Variants in TSPAN9 observed in about 807,000 individuals in gnomAD.
The protein encoded by TSPAN9 is tetraspanin-9.
Under a neutral mutation model 31.0 loss-of-function variants are expected in TSPAN9, and 16 were observed. The ratio of observed to expected loss-of-function variants is 0.52; its 90% confidence interval spans 0.35 to 0.78. TSPAN9 has a LOEUF of 0.78. Among genes scored for constraint, TSPAN9 ranks in the 30% least tolerant of loss-of-function variants. TSPAN9 has a pLI of 0.01. For missense variants in TSPAN9, 272 were observed against 312.5 expected (o/e 0.87, Z 0.98); for synonymous variants, 145 against 121.6 (o/e 1.19, Z -1.27).
At chr12:3,126,223 C>T (rs1469118263) in intron 2 of TSPAN9, among the ~76,000 whole-genome samples, 4 of 152,228 alleles carry the variant, frequency 2.6e-5, no homozygotes. Context: ...GGATCGATAA[C>T]TATACAGTCA....
In TSPAN9 at chr12:3,192,296, T is replaced by C. The variant is rs1440151287; in HGVS notation, c.-17-8881T>C. On this transcript the variant is annotated intron_variant, in intron 2 of 8. Transcript: ENST00000011898. This position sits in a 1 kb window ranked among gnomAD's most constrained non-coding sequence, Gnocchi z 4.6. ...TGGAGAGGCACATGAGTGGGAAGAT[T>C]GCATTGGCTGCTCTTGGTGAATGGG... Among the ~76,000 whole-genome samples, 1 of 151,992 alleles carries C rather than the reference T, an allele frequency of 6.6e-6. No homozygotes were observed. The highest frequency in any genetic ancestry group is 2.4e-5 in the African/African-American group (1 of 41,366).
At chr12:3,208,802 T>G (rs1224674616) in intron 3 of TSPAN9, among the ~76,000 whole-genome samples, 2 of 152,264 alleles carry the variant, frequency 1.3e-5, no homozygotes, top group African/African-American at 4.8e-5. Flanking sequence ...ACCCCCAGCT[T>G]CTGCCTGAGA....
At chr12:3,161,985 TC>T (rs1378547259) in intron 2 of TSPAN9, among the ~76,000 whole-genome samples, 1 of 152,124 alleles carries the variant, frequency 6.6e-6, no homozygotes, top group African/African-American at 2.4e-5. Flanking sequence ...CTGCCTGGCC[TC>T]CTCAGGTTGA....
At chr12:3,218,663 G>A (rs1195179461) in intron 3 of TSPAN9, among the ~76,000 whole-genome samples, 1 of 152,196 alleles carries the variant, frequency 6.6e-6, no homozygotes, top group Non-Finnish European at 1.5e-5. Context: ...GGAAGGAGAA[G>A]GCACCAGGAA....
intron 3 of TSPAN9, among the ~76,000 whole-genome samples, chr12:3,213,222 G>A (rs1367522015): frequency 6.6e-6 from 1 of 152,210 alleles, no homozygotes; most frequent in Non-Finnish European, 1.5e-5. Flanking sequence ...TGGGGAGTCT[G>A]TCTGCAGGGG....
At chr12:3,201,107 A>T in intron 2 of TSPAN9, 70 bp from the exon 3 acceptor site, 1 of 1,397,932 alleles carries the variant, frequency 7.2e-7, no homozygotes, top group Non-Finnish European at 1.0e-6. Context: ...TAAGACCGAC[A>T]AGTGCAATGC....
chr12:3,182,508 G>A (rs1407855478), intron 2 of TSPAN9, among the ~76,000 whole-genome samples: 2 of 151,590 alleles, frequency 1.3e-5, no homozygotes, highest in Non-Finnish European at 1.5e-5. Context: ...AGTTGGCCGG[G>A]CTGCAGTTCA....
chr12:3,271,921 A>G (rs1475695398), intron 3 of TSPAN9, among the ~76,000 whole-genome samples: 1 of 152,208 alleles, frequency 6.6e-6, no homozygotes, highest in Non-Finnish European at 1.5e-5. Context: ...TTCCAGAGCC[A>G]GGCAGGTTCA....
At chr12:3,093,160 A>G (rs1017839394) in intron 2 of TSPAN9, among the ~76,000 whole-genome samples, 2 of 152,242 alleles carry the variant, frequency 1.3e-5, no homozygotes, top group Non-Finnish European at 2.9e-5. Flanking sequence ...ACTTAGGCCA[A>G]GAAGGGAAGC....
chr12:3,109,315 T>A (rs368062575), intron 2 of TSPAN9, among the ~76,000 whole-genome samples: 12 of 122,542 alleles, frequency 9.8e-5, no homozygotes, highest in Non-Finnish European at 1.2e-4. Context: ...AGAGTGTGTG[T>A]GTGTGTGTGT....
intron 3 of TSPAN9, among the ~76,000 whole-genome samples, chr12:3,254,105 C>T (rs1565633344): frequency 6.6e-6 from 1 of 152,158 alleles, no homozygotes; most frequent in Non-Finnish European, 1.5e-5. Flanking sequence ...TGTAATGATG[C>T]ATCCGGAGCA....
At chr12:3,105,775 C>CACACGCGT (rs1385097771) in intron 2 of TSPAN9, among the ~76,000 whole-genome samples, 1 of 14,564 alleles carries the variant, frequency 6.9e-5, no homozygotes, top group Non-Finnish European at 1.4e-3. Context: ...CGCGCACGCA[C>CACACGCGT]ACACGCTCAT....
At position 3,201,735 on chromosome 12, in the gene TSPAN9, C is replaced by T. The variant is rs572687469; in HGVS notation, c.63+479C>T. ...TTTATGGGAGTGGGTTGGAGGGGGG[C>T]GGGGTGTAGAGGCCACATGTTCCCA... On this transcript the variant is annotated intron_variant, in intron 3 of 8. Coordinates refer to ENST00000011898, the MANE Select transcript of TSPAN9 (RefSeq NM_006675.5). Among the ~76,000 whole-genome samples the T allele has an allele frequency of 4.6e-5, 7 of 152,122 alleles. No individual in the cohort carries two copies. In the South Asian group the frequency reaches 8.3e-4, roughly 18 times the overall value.
At chr12:3,278,116 G>A (rs532886028) in intron 3 of TSPAN9, among the ~76,000 whole-genome samples, 7 of 152,308 alleles carry the variant, frequency 4.6e-5, no homozygotes, top group Admixed American at 6.5e-5. Context: ...TACCTTCCAC[G>A]TATTTGTTAC....
intron 2 of TSPAN9, among the ~76,000 whole-genome samples, chr12:3,104,527 A>T (rs564765255): frequency 6.6e-6 from 1 of 151,922 alleles, no homozygotes; most frequent in East Asian, 1.9e-4. Flanking sequence ...TAATTTTTGC[A>T]TTTTTTGTAG....
intron 3 of TSPAN9, among the ~76,000 whole-genome samples, chr12:3,242,342 G>A (rs935147385): frequency 3.3e-5 from 5 of 152,220 alleles, no homozygotes; most frequent in Non-Finnish European, 5.9e-5. Flanking sequence ...CCAGGCCCTG[G>A]ACATGCCTTC....
chr12:3,193,421 G>A (rs1181515217), intron 2 of TSPAN9, among the ~76,000 whole-genome samples: 6 of 152,192 alleles, frequency 3.9e-5, no homozygotes, highest in Non-Finnish European at 7.3e-5. Flanking sequence ...GTTTATAGCT[G>A]TGCCCGTGTT....
chr12:3,216,530 C>G (rs899914668), intron 3 of TSPAN9, among the ~76,000 whole-genome samples: 5 of 152,232 alleles, frequency 3.3e-5, no homozygotes, highest in African/African-American at 1.2e-4. Context: ...AAGCTCTTCT[C>G]AAACACATCT....
intron 3 of TSPAN9, among the ~76,000 whole-genome samples, chr12:3,210,487 T>C (rs984124699): frequency 6.6e-6 from 1 of 152,252 alleles, no homozygotes; most frequent in Non-Finnish European, 1.5e-5. Flanking sequence ...TGTCTTTTGT[T>C]CATTTTTTAT....
Sources: gnomAD v4.1 joint callset for allele counts (sites outside exome capture counted in the v4.1 genomes callset) on GRCh38, gnomAD v4.1.1 for gene constraint, Gnocchi (gnomAD v3.1) non-coding constraint, MANE v1.5 for transcripts, NCBI Gene and HGNC (gene_info 2026-07-23, HGNC 2026-07-21) for gene names.